Variants in STAM2 observed in about 807,000 individuals in gnomAD.
The protein encoded by STAM2 is signal transducing adaptor molecule 2.
In STAM2, 51 loss-of-function variants were observed where a neutral mutation model predicts 65.6. The observed-to-expected ratio is 0.78, with a 90% CI of 0.62 to 0.98. The LOEUF (loss-of-function observed/expected upper bound fraction) is 0.98, where lower values mean the gene tolerates loss of function less well. STAM2 is among the 50% of genes least tolerant of loss of function. The pLI is 0.00. For synonymous variants in STAM2, 198 were observed against 208.4 expected (o/e 0.95, Z 0.43); for missense variants, 584 against 617.8 (o/e 0.95, Z 0.58).
At chr2:152,124,275 T>C in intron 12 of STAM2, 1 of 195,112 alleles carries the variant, frequency 5.1e-6, no homozygotes, top group East Asian at 1.4e-4. Context: ...TACACTCCCT[T>C]GAAGGGAAGC....
chr2:152,139,539 C>G (rs1282122494), intron 7 of STAM2, among the ~76,000 whole-genome samples: 1 of 152,166 alleles, frequency 6.6e-6, no homozygotes, highest in Non-Finnish European at 1.5e-5. Context: ...TGCACTCCAG[C>G]CTCGGTAACC....
chr2:152,119,092 C>G lies in STAM2; in HGVS notation c.*1482G>C, dbSNP rs569172055. The G allele has an allele frequency of 2.0e-5, 3 of 151,672 alleles. No individual in the cohort carries two copies. Among genetic ancestry groups the G allele is most frequent in the Admixed American group, 2.0e-4 (3 of 15,228 alleles). 9.4% of individuals were successfully genotyped at this position (151,672 alleles called of 1,614,324 possible). A position where few individuals can be genotyped will look rare whatever the true frequency, so the allele number is the denominator to read the frequency against. On this transcript the variant is annotated 3_prime_UTR_variant, in exon 14 of 14. Coordinates refer to ENST00000263904, the MANE Select transcript of STAM2 (RefSeq NM_005843.6). ...AGAATGACTGCTTCCTTTAAAAAAA[C>G]AAATATAGAAATCTTGCTTCCACGT...
rs567195682 is a variant in STAM2 at position 152,123,732 on chromosome 2, C to T, written c.1349+34G>A. The T allele has an allele frequency of 6.9e-6, 11 of 1,600,506 alleles. No homozygotes were observed. The South Asian group carries it at 1.1e-4, about 16-fold the overall frequency. On this transcript the variant is annotated intron_variant, in intron 13 of 13. Transcript: ENST00000263904. ...CATTCTGAAAATCTAGGAAAATTAA[C>T]ACATATAAAATTAACACAGCTCCCA...
intron 1 of STAM2, among the ~76,000 whole-genome samples, chr2:152,169,595 A>G (rs1216868983): frequency 1.3e-5 from 2 of 152,206 alleles, no homozygotes; most frequent in Non-Finnish European, 2.9e-5. Context: ...ACAGAATAAT[A>G]AAAGTAATGA....
intron 1 of STAM2, among the ~76,000 whole-genome samples, chr2:152,157,522 CAT>C (rs1284173853): frequency 6.6e-6 from 1 of 152,138 alleles, no homozygotes; most frequent in African/African-American, 2.4e-5. Flanking sequence ...AAGGAAAAGC[CAT>C]ATGAGGGCAC....
chr2:152,156,634 T>C (rs1689559593), intron 1 of STAM2, among the ~76,000 whole-genome samples: 1 of 152,094 alleles, frequency 6.6e-6, no homozygotes, highest in African/African-American at 2.4e-5. Flanking sequence ...CTTAGAAAGA[T>C]TCTAACAATA....
intron 1 of STAM2, among the ~76,000 whole-genome samples, chr2:152,150,956 C>A (rs1026171906): frequency 6.6e-6 from 1 of 151,874 alleles, no homozygotes; most frequent in African/African-American, 2.4e-5. Flanking sequence ...TCCTCCTTGG[C>A]TCCCAAATGT....
Position 152,159,962 on chromosome 2 carries a change from C to T in STAM2, c.41-9733G>A, listed in dbSNP as rs1038740361. On this transcript the variant is annotated intron_variant, in intron 1 of 13. Transcript: ENST00000263904. The stretch of plus-strand genomic sequence containing the variant: ...GCCGGGCTGGTCTCCAGCTCCTAAC[C>T]GCGAGTGATCTGCCAGCCTCGGCCT... 5.9e-5 allele frequency among the ~76,000 whole-genome samples: 9 copies of T among 152,242 alleles called. 1 individual carries two copies. The South Asian group carries it at 6.2e-4, about 10-fold the overall frequency.
intron 1 of STAM2, among the ~76,000 whole-genome samples, chr2:152,169,856 C>CT (rs534239660): frequency 0.059 from 8,414 of 142,120 alleles, 975 homozygotes; most frequent in East Asian, 0.55. Flanking sequence ...AAGAGCTACA[C>CT]TTTTTTTTTT....
intron 1 of STAM2, among the ~76,000 whole-genome samples, chr2:152,162,821 T>A (rs1689709590): frequency 1.3e-5 from 2 of 151,006 alleles, no homozygotes; most frequent in African/African-American, 2.4e-5. Flanking sequence ...TTTTTTTTTT[T>A]AATTTTTGTA....
chr2:152,146,135 G>A (rs548458012), intron 5 of STAM2, among the ~76,000 whole-genome samples: 1 of 151,972 alleles, frequency 6.6e-6, no homozygotes, highest in Non-Finnish European at 1.5e-5. Flanking sequence ...GCCGGGCATG[G>A]TGGTAGGCAC....
rs189095810 is a variant in STAM2 at position 152,146,822 on chromosome 2, A to G, written c.447+340T>C. 1.6e-4 allele frequency among the ~76,000 whole-genome samples: 24 copies of G among 152,310 alleles called. No homozygotes were observed. In the East Asian group the frequency reaches 4.6e-3, roughly 29 times the overall value. On this transcript the variant is annotated intron_variant, in intron 5 of 13. Coordinates refer to ENST00000263904, the MANE Select transcript of STAM2 (RefSeq NM_005843.6). ...CCTGTATTTGTCACTTACAATCTAA[A>G]TTAGTTATTTTTCACATGTATAAAG... is the stretch of plus-strand genomic sequence containing the variant.
At chr2:152,128,899 A>G (rs1044849795) in intron 11 of STAM2, among the ~76,000 whole-genome samples, 1 of 152,248 alleles carries the variant, frequency 6.6e-6, no homozygotes, top group Non-Finnish European at 1.5e-5. Context: ...AATAACAAAC[A>G]TGATCCATTC....
rs1184259727 is a variant in STAM2 at position 152,118,901 on chromosome 2, G to A, written c.*1673C>T. 6.6e-6 allele frequency: 1 copy of A among 152,024 alleles called. No homozygotes were observed. Among genetic ancestry groups the A allele is most frequent in the East Asian group, 1.9e-4 (1 of 5,198 alleles). 9.4% of individuals were successfully genotyped at this position (152,024 alleles called of 1,614,324 possible). On this transcript the variant is annotated 3_prime_UTR_variant, in exon 14 of 14. Transcript: ENST00000263904. ...AAGTTAAGACAATGACATAAACTGA[G>A]CTTTCAAATACTGCTAATTTTTCCA...
At chr2:152,148,999 C>A (rs979638385) in intron 2 of STAM2, among the ~76,000 whole-genome samples, 21 of 152,164 alleles carry the variant, frequency 1.4e-4, no homozygotes, top group Admixed American at 5.2e-4. Flanking sequence ...CTATGAAAAG[C>A]TTTAATGTTA....
chr2:152,124,101 T>A, intron 12 of STAM2, 166 bp from the exon 13 acceptor site: 1 of 587,986 alleles, frequency 1.7e-6, no homozygotes, highest in Non-Finnish European at 2.9e-6. Context: ...AGCTGTCAAA[T>A]CACAGTGCCA....
At chr2:152,143,763 A>G in intron 7 of STAM2, 64 bp downstream of exon 7, 1 of 1,301,078 alleles carries the variant, frequency 7.7e-7, no homozygotes, top group Non-Finnish European at 1.1e-6. Context: ...AAAGAACTGA[A>G]TACTCTGGAT....
chr2:152,126,427 T>C (rs1252985514), intron 11 of STAM2, 48 bp from the exon 12 acceptor site: 1 of 1,124,774 alleles, frequency 8.9e-7, no homozygotes, highest in Admixed American at 3.6e-5. Context: ...TTTTAGCATG[T>C]ATTTAGTAAT....
intron 1 of STAM2, among the ~76,000 whole-genome samples, chr2:152,151,548 A>C (rs1049689962): frequency 3.3e-5 from 5 of 152,214 alleles, no homozygotes; most frequent in African/African-American, 1.2e-4. Context: ...ACACATTTAA[A>C]ATGTACAATT....
Sources: gnomAD v4.1 joint callset for allele counts (sites outside exome capture counted in the v4.1 genomes callset) on GRCh38, gnomAD v4.1.1 for gene constraint, MANE v1.5 for transcripts, NCBI Gene and HGNC (gene_info 2026-07-23, HGNC 2026-07-21) for gene names.